Variants in AVEN observed in about 807,000 individuals in gnomAD.
AVEN encodes the protein cell death regulator Aven.
In AVEN, 41 loss-of-function variants were observed where a neutral mutation model predicts 38.1. The observed-to-expected ratio is 1.08, with a 90% CI of 0.84 to 1.40. The LOEUF (loss-of-function observed/expected upper bound fraction) is 1.40. Among genes scored for constraint, AVEN ranks in the 40% most tolerant of loss-of-function variants. AVEN has a pLI of 0.00. For missense variants in AVEN, 605 were observed against 438.8 expected (o/e 1.38, Z -3.38); for synonymous variants, 206 against 171.8 (o/e 1.20, Z -1.56).
chr15:33,894,586 G>A (rs987956189), intron 2 of AVEN, among the ~76,000 whole-genome samples: 3 of 146,140 alleles, frequency 2.1e-5, no homozygotes, highest in African/African-American at 2.5e-5. Flanking sequence ...GAGGCAGGGG[G>A]ACTGCCTGAG....
intron 2 of AVEN, among the ~76,000 whole-genome samples, chr15:33,933,670 T>C (rs1387195575): frequency 6.6e-6 from 1 of 151,564 alleles, no homozygotes; most frequent in African/African-American, 2.4e-5. Flanking sequence ...GTTAGAAAAA[T>C]AGTCTCAGCC....
downstream of AVEN, among the ~76,000 whole-genome samples, chr15:33,862,418 G>A (rs967656464): frequency 3.3e-5 from 5 of 151,746 alleles, no homozygotes; most frequent in African/African-American, 9.7e-5. Flanking sequence ...TATTGCCCAG[G>A]CTGATCTCGA....
chr15:33,876,503 C>T (rs993093474), intron 2 of AVEN, among the ~76,000 whole-genome samples: 1 of 151,846 alleles, frequency 6.6e-6, no homozygotes, highest in Non-Finnish European at 1.5e-5. Context: ...ACCCGGGAGG[C>T]GGAGGTTGCA....
chr15:34,038,434 A>C (rs1359352279), intron 1 of AVEN, among the ~76,000 whole-genome samples: 1 of 152,100 alleles, frequency 6.6e-6, no homozygotes, highest in African/African-American at 2.4e-5. Context: ...TGGTACTCGT[A>C]CAGACAGCCC....
At chr15:33,917,085 T>C (rs1893166953) in intron 2 of AVEN, among the ~76,000 whole-genome samples, 1 of 152,054 alleles carries the variant, frequency 6.6e-6, no homozygotes, top group South Asian at 2.1e-4. Flanking sequence ...ATGGGGCTTA[T>C]GGGAACTACA....
At chr15:33,853,484 A>T in the AVEN span, 1 of 1,548,320 alleles carries the variant, frequency 6.5e-7, no homozygotes, top group East Asian at 2.3e-5. Context: ...CAAAGCTCTG[A>T]AGACCCCAGA....
At chr15:33,852,920 T>A in the AVEN span, 2 of 783,094 alleles carry the variant, frequency 2.6e-6, no homozygotes, top group South Asian at 3.3e-5. Flanking sequence ...GATCTTAAAA[T>A]TCTTTGGTGA....
At chr15:33,890,341 C>A (rs1891886444) in intron 2 of AVEN, among the ~76,000 whole-genome samples, 1 of 152,080 alleles carries the variant, frequency 6.6e-6, no homozygotes, top group African/African-American at 2.4e-5. Context: ...GTGCCTGGCA[C>A]ACAGTAGGCA....
At chr15:33,965,664 C>T (rs927494941) in intron 2 of AVEN, among the ~76,000 whole-genome samples, 1 of 151,992 alleles carries the variant, frequency 6.6e-6, no homozygotes, top group Non-Finnish European at 1.5e-5. Context: ...TATGAGAATA[C>T]ATAGAGTTGT....
At chr15:34,037,088 A>C (rs924203181) in intron 1 of AVEN, among the ~76,000 whole-genome samples, 4 of 149,594 alleles carry the variant, frequency 2.7e-5, no homozygotes, top group African/African-American at 1.0e-4. Context: ...CAGCCTGGGC[A>C]ACAAGAGTAA....
chr15:33,854,450 G>GT (rs2079431943), downstream of AVEN: 2 of 1,568,442 alleles, frequency 1.3e-6, no homozygotes, highest in South Asian at 1.2e-5. Context: ...TACTGACAAC[G>GT]TAAGTACTGC....
At chr15:34,019,436 T>C (rs1003619227) in intron 1 of AVEN, among the ~76,000 whole-genome samples, 1 of 152,212 alleles carries the variant, frequency 6.6e-6, no homozygotes, top group Non-Finnish European at 1.5e-5. Flanking sequence ...GGGCTAATTA[T>C]TTAAAAAAAG....
intron 4 of AVEN, among the ~76,000 whole-genome samples, chr15:33,869,082 G>C (rs779817295): frequency 2.0e-5 from 3 of 152,094 alleles, no homozygotes; most frequent in Non-Finnish European, 4.4e-5. Context: ...CATGTAAGAC[G>C]GTATGGCTTT....
At chr15:34,033,242 A>G (rs2140770558) in intron 1 of AVEN, among the ~76,000 whole-genome samples, 1 of 152,310 alleles carries the variant, frequency 6.6e-6, no homozygotes, top group Admixed American at 6.5e-5. Context: ...GCGGTGGCTC[A>G]TGTCTGTAAT....
intron 1 of AVEN, among the ~76,000 whole-genome samples, chr15:34,073,613 C>T (rs548109419): frequency 1.3e-5 from 2 of 149,950 alleles, no homozygotes; most frequent in East Asian, 2.0e-4. Flanking sequence ...TTCCGCCTCC[C>T]GGGTTCAAGC....
intron 2 of AVEN, among the ~76,000 whole-genome samples, chr15:33,891,396 T>C (rs1377979316): frequency 6.6e-6 from 1 of 152,080 alleles, no homozygotes; most frequent in South Asian, 2.1e-4. Flanking sequence ...CCCCACCCCC[T>C]GACGGGCCCT....
At chr15:33,983,215 CATAT>C (rs148035145) in intron 2 of AVEN, among the ~76,000 whole-genome samples, 1,227 of 110,462 alleles carry the variant, frequency 0.011, 33 homozygotes, top group African/African-American at 0.049. Flanking sequence ...TATATATATA[CATAT>C]ATATACACAC....
chr15:33,922,391 T>C (rs955513670), intron 2 of AVEN, among the ~76,000 whole-genome samples: 1 of 152,130 alleles, frequency 6.6e-6, no homozygotes, highest in African/African-American at 2.4e-5. Context: ...TTAGTAAACC[T>C]TGATGTAAGC....
chr15:33,914,006 T>C (rs1893020098), intron 2 of AVEN, among the ~76,000 whole-genome samples: 1 of 152,106 alleles, frequency 6.6e-6, no homozygotes, highest in South Asian at 2.1e-4. Flanking sequence ...ATAACAACAT[T>C]GTAAAGTCAG....
Sources: allele counts gnomAD v4.1 joint callset (sites outside exome capture counted in the v4.1 genomes callset), GRCh38; gene constraint gnomAD v4.1.1; transcripts MANE v1.5; gene names NCBI Gene and HGNC (gene_info 2026-07-23, HGNC 2026-07-21).